Variants in SLC12A8 observed in about 807,000 individuals in gnomAD.
The protein encoded by SLC12A8 is solute carrier family 12 member 8.
Under a neutral mutation model 75.6 loss-of-function variants are expected in SLC12A8, and 69 were observed. The observed-to-expected ratio is 0.91, with a 90% CI of 0.75 to 1.11. The LOEUF is 1.11. SLC12A8 is among the 50% of genes most tolerant of loss of function. The probability of loss-of-function intolerance (pLI) is 0.00; values close to 1 mark genes in which losing one functional copy is unlikely to be tolerated. For synonymous variants in SLC12A8, 365 were observed against 372.8 expected, an observed-to-expected ratio of 0.98 and a Z score of 0.24; for missense variants, 877 against 896.7, an observed-to-expected ratio of 0.98 and a Z score of 0.28.
chr3:125,101,326 C>T (rs1938870686), intron 10 of SLC12A8, among the ~76,000 whole-genome samples: 1 of 152,204 alleles, frequency 6.6e-6, no homozygotes, highest in Non-Finnish European at 1.5e-5. Flanking sequence ...AGGATGTGCT[C>T]AGTAAGTGCT....
At chr3:125,197,760 T>A (rs1935034020) in intron 2 of SLC12A8, among the ~76,000 whole-genome samples, 1 of 152,202 alleles carries the variant, frequency 6.6e-6, no homozygotes, top group Admixed American at 6.5e-5. Flanking sequence ...GAGAAAGCCC[T>A]TCCTTACAGT....
At chr3:125,100,418 T>A (rs1254907450) in intron 10 of SLC12A8, among the ~76,000 whole-genome samples, 1 of 151,746 alleles carries the variant, frequency 6.6e-6, no homozygotes, top group Non-Finnish European at 1.5e-5. Context: ...ATTATTATTA[T>A]TTTTTAAAAA....
At chr3:125,108,180 A>G (rs1455616932) in intron 9 of SLC12A8, 54 bp from the exon 10 acceptor site, 3 of 1,527,542 alleles carry the variant, frequency 2.0e-6, no homozygotes, top group Non-Finnish European at 2.6e-6. Flanking sequence ...AGAACGCTTC[A>G]GAGATTTCAG....
intron 6 of SLC12A8, among the ~76,000 whole-genome samples, chr3:125,127,687 G>A (rs1432331072): frequency 1.3e-5 from 2 of 152,208 alleles, no homozygotes; most frequent in Non-Finnish European, 2.9e-5. Flanking sequence ...TCAGGCTGTG[G>A]AGAAGTTTAA....
chr3:125,131,114 T>C (rs1226201108), intron 6 of SLC12A8, among the ~76,000 whole-genome samples: 1 of 152,258 alleles, frequency 6.6e-6, no homozygotes, highest in Admixed American at 6.5e-5. Flanking sequence ...TAATTCCCTC[T>C]GTTTTTCCCT....
At chr3:125,144,234 T>A (rs1223772259) in intron 5 of SLC12A8, among the ~76,000 whole-genome samples, 1 of 152,190 alleles carries the variant, frequency 6.6e-6, no homozygotes, top group Admixed American at 6.5e-5. Flanking sequence ...TCATTCCAAG[T>A]GCTTTACCGT....
rs373184792 is a variant in SLC12A8, at chr3:125,108,096, T to C, written c.1090A>G (p.Ile364Val). The C allele has an allele frequency of 6.1e-5, 98 of 1,614,032 alleles. No homozygotes were observed. In the Admixed American group the frequency reaches 1.3e-3, roughly 22 times the overall value. The change falls in exon 10 of 14, where the codon ATC becomes GTC. Residue 364 changes from isoleucine to valine, a missense_variant. Coordinates refer to ENST00000469902, the MANE Select transcript of SLC12A8 (RefSeq NM_024628.6). Reference protein sequence around the residue: ...KGPNKTPVAAICLTSLVTMAF... With the variant: ...KGPNKTPVAAVCLTSLVTMAF... The stretch of plus-strand genomic sequence containing the variant: ...ATGGTCACCAAGCTGGTCAGGCAGA[T>C]GGCAGCCACGGGTGTTTTGTTTGGC...
Position 125,125,882 on chromosome 3 carries a change from G to A in SLC12A8, c.737-5196C>T, listed in dbSNP as rs530694353. The A allele has an allele frequency of 8.3e-6, 8 of 969,496 alleles. No homozygotes were observed. In the East Asian group the frequency reaches 8.0e-4, roughly 97 times the overall value. The allele number at this position is 969,496 out of a possible 1,614,324, so 60.1% of individuals were successfully genotyped here. A position where few individuals can be genotyped will look rare whatever the true frequency, so the allele number is the denominator to read the frequency against. On this transcript the variant is annotated intron_variant, in intron 6 of 13. Coordinates refer to ENST00000469902, the MANE Select transcript of SLC12A8 (RefSeq NM_024628.6). ...TTAATGTGGGGTTACATACCCACAA[G>A]AAGGCTGAGCTTATCAGTTATAATC...
intron 2 of SLC12A8, among the ~76,000 whole-genome samples, chr3:125,207,201 G>GT (rs1935243210): frequency 6.6e-6 from 1 of 152,110 alleles, no homozygotes; most frequent in African/African-American, 2.4e-5. Flanking sequence ...CCTGCAGCGG[G>GT]TTTTTTCTAG....
chr3:125,121,584 C>T (rs559579377), intron 6 of SLC12A8, among the ~76,000 whole-genome samples: 2 of 152,298 alleles, frequency 1.3e-5, no homozygotes, highest in African/African-American at 4.8e-5. Context: ...GCTTTACATG[C>T]ATTTTTTTAT....
At chr3:125,190,308 G>A (rs1934884403) in intron 3 of SLC12A8, 67 bp downstream of exon 3, 19 of 1,567,080 alleles carry the variant, frequency 1.2e-5, no homozygotes, top group Non-Finnish European at 1.7e-5. Flanking sequence ...ACTGTAGAAT[G>A]CAAGAGTGGC....
chr3:125,208,462 T>G (rs1935267816), intron 2 of SLC12A8, among the ~76,000 whole-genome samples: 1 of 152,132 alleles, frequency 6.6e-6, no homozygotes, highest in Non-Finnish European at 1.5e-5. Flanking sequence ...TATTAGCCAT[T>G]TATATAATAT....
chr3:125,183,279 G>A (rs373523886), intron 4 of SLC12A8, among the ~76,000 whole-genome samples: 13 of 152,104 alleles, frequency 8.5e-5, no homozygotes, highest in Admixed American at 6.5e-5. Context: ...TACGTTAAAC[G>A]TATTCTATTT....
At chr3:125,110,112 A>T in intron 9 of SLC12A8, 77 bp downstream of exon 9, 1 of 1,462,296 alleles carries the variant, frequency 6.8e-7, no homozygotes, top group Non-Finnish European at 9.3e-7. Flanking sequence ...GAAAAGCTTA[A>T]CCAATTGATG....
intron 5 of SLC12A8, among the ~76,000 whole-genome samples, chr3:125,147,662 G>T (rs1933818960): frequency 6.6e-6 from 1 of 152,180 alleles, no homozygotes; most frequent in African/African-American, 2.4e-5. Flanking sequence ...GACAGCCTGG[G>T]AAGTGTTTTG....
chr3:125,138,135 C>T (rs1348167150), intron 5 of SLC12A8, among the ~76,000 whole-genome samples: 1 of 152,232 alleles, frequency 6.6e-6, no homozygotes, highest in Admixed American at 6.5e-5. Flanking sequence ...GGTGCAGTGG[C>T]TCACGCCTGT....
intron 10 of SLC12A8, among the ~76,000 whole-genome samples, chr3:125,096,269 G>A (rs1215679235): frequency 6.6e-6 from 1 of 152,092 alleles, no homozygotes. Flanking sequence ...AAACCTACCT[G>A]AAACAGTGCA....
At chr3:125,175,978 G>A (rs1334264058) in intron 5 of SLC12A8, among the ~76,000 whole-genome samples, 2 of 152,086 alleles carry the variant, frequency 1.3e-5, no homozygotes, top group Non-Finnish European at 2.9e-5. Flanking sequence ...GGAGTTCAGG[G>A]GAGTGACAGT....
chr3:125,160,916 C>G (rs934181744), intron 5 of SLC12A8, among the ~76,000 whole-genome samples: 4 of 152,180 alleles, frequency 2.6e-5, no homozygotes, highest in African/African-American at 7.2e-5. Flanking sequence ...CTATGTGTGA[C>G]CCAGCGAAGG....
Sources: allele counts gnomAD v4.1 joint callset (sites outside exome capture counted in the v4.1 genomes callset), GRCh38; gene constraint gnomAD v4.1.1; transcripts MANE v1.5; gene names NCBI Gene and HGNC (gene_info 2026-07-23, HGNC 2026-07-21).